ZNF713: variants seen among roughly 807,000 people sequenced by gnomAD.
ZNF713 encodes zinc finger protein 713.
ZNF713 carries 21 observed loss-of-function variants against 28.7 expected under a neutral mutation model. That is an observed-to-expected ratio of 0.73 (90% confidence interval 0.52 to 1.05). The LOEUF (loss-of-function observed/expected upper bound fraction) is 1.05. ZNF713 is among the 50% of genes least tolerant of loss of function. The pLI, the probability that ZNF713 is intolerant of heterozygous loss-of-function variation, is 0.00. For missense variants in ZNF713, 458 were observed against 532.4 expected, an observed-to-expected ratio of 0.86 and a Z score of 1.37; for synonymous variants, 167 against 178.0, an observed-to-expected ratio of 0.94 and a Z score of 0.49.
intron 4 of ZNF713, among the ~76,000 whole-genome samples, chr7:55,919,774 C>T (rs942276495): frequency 2.6e-5 from 4 of 152,002 alleles, no homozygotes; most frequent in African/African-American, 7.2e-5. Flanking sequence ...TGAATTCATT[C>T]GTGCAATCTT....
chr7:55,908,136 T>A (rs1009719668), intron 2 of ZNF713, among the ~76,000 whole-genome samples: 1 of 25,338 alleles, frequency 3.9e-5, no homozygotes. Context: ...TCCGTTGTTG[T>A]TTTTTTTTTT....
At chr7:55,910,100 A>G (rs186555099) in intron 2 of ZNF713, among the ~76,000 whole-genome samples, 214 of 151,964 alleles carry the variant, frequency 1.4e-3, no homozygotes, top group Middle Eastern at 6.8e-3. Flanking sequence ...GGCTCAAGCT[A>G]TCCTCCCACC....
At chr7:55,915,175 G>A (rs1393711097) in intron 4 of ZNF713, among the ~76,000 whole-genome samples, 1 of 152,218 alleles carries the variant, frequency 6.6e-6, no homozygotes, top group African/African-American at 2.4e-5. Flanking sequence ...CCAAAGACAG[G>A]AATAGAAAGA....
intron 1 of ZNF713, among the ~76,000 whole-genome samples, chr7:55,888,687 T>C (rs1042818131): frequency 7.2e-5 from 11 of 152,136 alleles, no homozygotes; most frequent in Non-Finnish European, 1.0e-4. Flanking sequence ...GCCAGCTGTT[T>C]CTAGATTCTG....
chr7:55,897,455 T>C (rs957327882), intron 1 of ZNF713, among the ~76,000 whole-genome samples: 1 of 151,734 alleles, frequency 6.6e-6, no homozygotes, highest in African/African-American at 2.4e-5. Context: ...AATTTTTTCT[T>C]TTTTTTTCAT....
chr7:55,918,824 C>T (rs978907751), intron 4 of ZNF713, among the ~76,000 whole-genome samples: 1 of 152,034 alleles, frequency 6.6e-6, no homozygotes, highest in Non-Finnish European at 1.5e-5. Context: ...GAAACCTCGT[C>T]TCTACTAAAA....
chr7:55,935,126 C>T (rs570494956), intron 6 of ZNF713, among the ~76,000 whole-genome samples: 68 of 151,844 alleles, frequency 4.5e-4, no homozygotes, highest in African/African-American at 1.5e-3. Flanking sequence ...CCTGACCTCA[C>T]GATCCGCCCA....
At position 55,923,597 on chromosome 7, in the gene ZNF713, C is replaced by G. The variant is rs1336351037; in HGVS notation, c.215-10C>G. Reference sequence around the variant, plus strand: ...CAAACTCCTAAGATGTATGTTACTCCTGTGAATAGGGTATCAGCTTTGTAA... The same window carrying G: ...CAAACTCCTAAGATGTATGTTACTCGTGTGAATAGGGTATCAGCTTTGTAA... On this transcript the variant is annotated splice_polypyrimidine_tract_variant and intron_variant, in intron 5 of 6. Transcript: ENST00000429591. 5.1e-6 allele frequency: 8 copies of G among 1,583,750 alleles called. No individual in the cohort carries two copies. The Admixed American group carries it at 1.4e-4, about 28-fold the overall frequency.
intron 1 of ZNF713, among the ~76,000 whole-genome samples, chr7:55,888,718 G>A (rs1013774147): frequency 1.7e-5 from 2 of 119,010 alleles, no homozygotes; most frequent in Admixed American, 8.5e-5. Flanking sequence ...GACAGTTTCT[G>A]CACTGAATAC....
Position 55,906,399 on chromosome 7 carries a change from G to C in ZNF713, c.-456+20G>C, listed in dbSNP as rs1177156717. ...TTTTGGGTAAGTTCTCCTGAATTCA[G>C]ACCTCCCATTATTTGGGTGAAGGTG... On this transcript the variant is annotated intron_variant, in intron 2 of 6. Transcript: ENST00000429591. The C allele has an allele frequency of 1.3e-5, 2 of 152,186 alleles. No individual in the cohort carries two copies. Among genetic ancestry groups the C allele is most frequent in the Non-Finnish European group, 2.9e-5 (2 of 68,048 alleles). 9.4% of individuals were successfully genotyped at this position (152,186 alleles called of 1,614,324 possible). A position where few individuals can be genotyped will look rare whatever the true frequency, so the allele number is the denominator to read the frequency against.
In ZNF713 at chr7:55,940,813, CTTTTTTTTTT is replaced by C. The variant is rs746072454; in HGVS notation, c.*818_*827del. ...CACCTGTAAGTTTTATGGTATAAAA[CTTTTTTTTTT>C]TTTTTTTTTTGAGGCAGAGTCTCGC... On this transcript the variant is annotated 3_prime_UTR_variant, in exon 7 of 7. Transcript: ENST00000429591. The C allele has an allele frequency of 4.5e-5, 4 of 88,618 alleles. No homozygotes were observed. The highest frequency in any genetic ancestry group is 2.0e-4 in the African/African-American group (4 of 20,138). The allele number at this position is 88,618 out of a possible 1,614,324, so 5.5% of individuals were successfully genotyped here. A position where few individuals can be genotyped will look rare whatever the true frequency, so the allele number is the denominator to read the frequency against.
chr7:55,928,969 C>CAAA lies in ZNF713; in HGVS notation c.307+5288_307+5290dup, dbSNP rs35152322. Among the ~76,000 whole-genome samples, 23 of 119,306 alleles carry CAAA rather than the reference C, an allele frequency of 1.9e-4. 1 individual carries two copies. Among genetic ancestry groups the CAAA allele is most frequent in the Admixed American group, 5.3e-4 (6 of 11,282 alleles). The allele number at this position is 119,306 out of a possible 152,430, so 78.3% of individuals were successfully genotyped here. On this transcript the variant is annotated intron_variant, in intron 6 of 6. Coordinates refer to ENST00000429591, the MANE Select transcript of ZNF713 (RefSeq NM_182633.3). ...CAACAGGTTGAGAGCCCATTTCTAC[C>CAAA]AAAAAAAAAAAAAAAAAAAATAGCC...
At chr7:55,887,947 C>T (rs1433196006) in intron 1 of ZNF713, among the ~76,000 whole-genome samples, 1 of 148,364 alleles carries the variant, frequency 6.7e-6, no homozygotes, top group Non-Finnish European at 1.5e-5. Flanking sequence ...TCCCCGCTGT[C>T]CCCATTCCTG....
intron 6 of ZNF713, among the ~76,000 whole-genome samples, chr7:55,934,345 C>G (rs967567550): frequency 5.9e-5 from 9 of 152,104 alleles, no homozygotes; most frequent in Non-Finnish European, 1.0e-4. Context: ...AATAAAACAG[C>G]CCATAAATAT....
At chr7:55,891,517 TAACAACAAC>T (rs143006638) in intron 1 of ZNF713, among the ~76,000 whole-genome samples, 1 of 150,778 alleles carries the variant, frequency 6.6e-6, no homozygotes, top group Admixed American at 6.6e-5. Flanking sequence ...TGGTCGCTAA[TAACAACAAC>T]AACAACAACA....
chr7:55,908,606 T>TTG lies in ZNF713; in HGVS notation c.-456+2228_-456+2229insGT, dbSNP rs202144886. ...TCCCACTTTTTGATGGGTTTTTTTT[T>TTG]TTCTTGTTGAGTTCCTTGTAGATTC... is the stretch of plus-strand genomic sequence containing the variant. On this transcript the variant is annotated intron_variant, in intron 2 of 6. Coordinates refer to ENST00000429591, the MANE Select transcript of ZNF713 (RefSeq NM_182633.3). 8.6e-3 allele frequency among the ~76,000 whole-genome samples: 1,303 copies of TTG among 152,222 alleles called. 21 individuals are homozygous for TTG. Among genetic ancestry groups the TTG allele is most frequent in the African/African-American group, 0.03 (1,243 of 41,536 alleles).
intron 6 of ZNF713, among the ~76,000 whole-genome samples, chr7:55,931,065 C>T (rs1231633361): frequency 6.6e-6 from 1 of 152,074 alleles, no homozygotes. Flanking sequence ...GTGGGTGGAT[C>T]ACGTGAGGTC....
At chr7:55,913,772 GT>G (rs1785831029) in intron 4 of ZNF713, among the ~76,000 whole-genome samples, 1 of 152,096 alleles carries the variant, frequency 6.6e-6, no homozygotes, top group South Asian at 2.1e-4. Flanking sequence ...AACAGAAACT[GT>G]TGCATTATAG....
rs1786416849 is a variant in ZNF713, at chr7:55,939,342, T to G, written c.668T>G (p.Ile223Ser). Residue 223 changes from isoleucine (I) to serine (S), a missense_variant, in exon 7 of 7, where the codon ATT (isoleucine) becomes AGT (serine). Ile to Ser is a moderately radical substitution (Grantham distance 142). Transcript: ENST00000429591. The part of the protein sequence containing the change: ...GNSIKHNSDL[I>S]YYQGNYVRET... ...AGCATCAAACATAATTCAGACTTGA[T>G]TTACTATCAGGGAAATTATGTAAGA... The G allele has an allele frequency of 6.2e-7, 1 of 1,614,052 alleles. No individual in the cohort carries two copies. The highest frequency in any genetic ancestry group is 2.2e-5 in the East Asian group (1 of 44,886).
Sources: allele counts gnomAD v4.1 joint callset (sites outside exome capture counted in the v4.1 genomes callset), GRCh38; gene constraint gnomAD v4.1.1; transcripts MANE v1.5; gene names NCBI Gene and HGNC (gene_info 2026-07-23, HGNC 2026-07-21).